Variants in CDH22 observed in about 807,000 individuals in gnomAD.
CDH22 encodes cadherin 22, also known as cadherin-22.
Under a neutral mutation model 58.4 loss-of-function variants are expected in CDH22, and 30 were observed. The ratio of observed to expected loss-of-function variants is 0.51; its 90% CI spans 0.38 to 0.70. The LOEUF is 0.70. Among genes scored for constraint, CDH22 ranks in the 30% least tolerant of loss-of-function variants. The probability of loss-of-function intolerance (pLI) is 0.00; values close to 1 mark genes in which losing one functional copy is unlikely to be tolerated. For missense variants in CDH22, 1,014 were observed against 1,233.9 expected, an observed-to-expected ratio of 0.82 and a Z score of 2.67; for synonymous variants, 513 against 558.2, an observed-to-expected ratio of 0.92 and a Z score of 1.14.
At chr20:46,223,584 C>T (rs1197172460) in intron 4 of CDH22, among the ~76,000 whole-genome samples, 1 of 152,102 alleles carries the variant, frequency 6.6e-6, no homozygotes, top group Non-Finnish European at 1.5e-5. Flanking sequence ...AAGGTCACTT[C>T]CCCAGAAAGG....
intron 8 of CDH22, among the ~76,000 whole-genome samples, chr20:46,198,329 CACAT>C (rs202118964): frequency 0.014 from 2,112 of 148,508 alleles, 43 homozygotes; most frequent in African/African-American, 0.05. Context: ...CACACACACA[CACAT>C]ATTCTTCCAG....
intron 4 of CDH22, among the ~76,000 whole-genome samples, chr20:46,223,715 T>TTC (rs1161674590): frequency 0.029 from 700 of 23,964 alleles, 4 homozygotes; most frequent in Middle Eastern, 0.042. Context: ...CTTTCTTTCT[T>TTC]TTTCTTTCTT....
chr20:46,202,583 G>A (rs2085969478), intron 7 of CDH22, among the ~76,000 whole-genome samples: 1 of 152,076 alleles, frequency 6.6e-6, no homozygotes, highest in African/African-American at 2.4e-5. Context: ...TCAATCTCCT[G>A]ACCTTGTGAT....
chr20:46,242,149 T>C (rs957124357), intron 2 of CDH22, among the ~76,000 whole-genome samples: 1 of 152,250 alleles, frequency 6.6e-6, no homozygotes, highest in African/African-American at 2.4e-5. Flanking sequence ...TGTACTTTTC[T>C]AGTTAAAGAT....
chr20:46,246,837 C>T (rs558190402), intron 2 of CDH22, among the ~76,000 whole-genome samples: 3 of 152,260 alleles, frequency 2.0e-5, no homozygotes, highest in South Asian at 4.1e-4. Context: ...TGGGGGGAAC[C>T]AGGAAGCAGT....
Position 46,249,163 on chromosome 20 carries a change from AC to A in CDH22, c.255+1876del, listed in dbSNP as rs2086352252. On this transcript the variant is annotated intron_variant, in intron 2 of 11. Transcript: ENST00000537909. Reference sequence around the variant, plus strand: ...GCAGTAAAGTAACTTGTTCAAGGTCACTCAGTGAAGGGATTGGCAGAACCAG... The same window carrying A: ...GCAGTAAAGTAACTTGTTCAAGGTCATCAGTGAAGGGATTGGCAGAACCAG... Among the ~76,000 whole-genome samples, 4 of 152,176 alleles carry A rather than the reference AC, an allele frequency of 2.6e-5. No individual in the cohort carries two copies. In the South Asian group the frequency reaches 8.3e-4, roughly 32 times the overall value.
chr20:46,195,607 C>T (rs536565133), intron 8 of CDH22, among the ~76,000 whole-genome samples: 19 of 149,434 alleles, frequency 1.3e-4, no homozygotes, highest in Middle Eastern at 6.8e-3. Flanking sequence ...TTCCAAGTCT[C>T]CCCTAGACCC....
chr20:46,186,486 A>T, intron 10 of CDH22, 102 bp downstream of exon 10: 7 of 823,300 alleles, frequency 8.5e-6, no homozygotes, highest in Non-Finnish European at 1.4e-5. Context: ...CTTAGATCCA[A>T]CATAGGCCCT....
At chr20:46,302,681 C>G (rs2086657463) in intron 1 of CDH22, among the ~76,000 whole-genome samples, 1 of 152,136 alleles carries the variant, frequency 6.6e-6, no homozygotes, top group Non-Finnish European at 1.5e-5. Flanking sequence ...CTATTTCCAG[C>G]CCAGAACTCT....
chr20:46,179,745 T>C (rs1196688936), intron 10 of CDH22, among the ~76,000 whole-genome samples: 7 of 152,210 alleles, frequency 4.6e-5, no homozygotes, highest in African/African-American at 1.7e-4. Context: ...GGTGTGAGGA[T>C]TAAATGGTGT....
chr20:46,289,915 T>C (rs1421368480), intron 1 of CDH22, among the ~76,000 whole-genome samples: 1 of 152,236 alleles, frequency 6.6e-6, no homozygotes, highest in African/African-American at 2.4e-5. Context: ...ACCTGTGGAT[T>C]TAGAATTCTG....
intron 10 of CDH22, among the ~76,000 whole-genome samples, chr20:46,186,115 G>A (rs1377507230): frequency 1.3e-5 from 2 of 151,182 alleles, no homozygotes; most frequent in South Asian, 2.1e-4. Flanking sequence ...TTGGGAGGCT[G>A]AGGTAGGAGG....
At chr20:46,248,610 G>C (rs1447202791) in intron 2 of CDH22, among the ~76,000 whole-genome samples, 1 of 152,130 alleles carries the variant, frequency 6.6e-6, no homozygotes, top group Non-Finnish European at 1.5e-5. Flanking sequence ...ATCACTTGAG[G>C]TCAGGAGTTC....
intron 4 of CDH22, among the ~76,000 whole-genome samples, chr20:46,223,715 TTTTCTTTCTTTC>T (rs1568664226): frequency 0.024 from 573 of 24,050 alleles, no homozygotes; most frequent in African/African-American, 0.066. Context: ...CTTTCTTTCT[TTTTCTTTCTTTC>T]TCTTTCTTTC....
At position 46,308,083 on chromosome 20, in the gene CDH22, G is replaced by A. The variant is rs1407191607; in HGVS notation, c.-400+172C>T. On this transcript the variant is annotated intron_variant, in intron 1 of 11. Transcript: ENST00000537909. The surrounding 1 kb of genome is among the most constrained non-coding windows in gnomAD (Gnocchi z 4.3). ...CCCTCCCCGCCCTCCCGGCCGAGAG[G>A]AGGGGGCGCGCAGGGCCGGGCGCAG... is the stretch of plus-strand genomic sequence containing the variant. 2.6e-5 allele frequency among the ~76,000 whole-genome samples: 4 copies of A among 151,454 alleles called. No homozygotes were observed. The highest frequency in any genetic ancestry group is 4.4e-5 in the Non-Finnish European group (3 of 67,782).
intron 1 of CDH22, among the ~76,000 whole-genome samples, chr20:46,294,776 G>A (rs1406040848): frequency 6.6e-6 from 1 of 152,184 alleles, no homozygotes; most frequent in African/African-American, 2.4e-5. Flanking sequence ...GAAGGGAAGA[G>A]GACAACTGAA....
At position 46,300,632 on chromosome 20, in the gene CDH22, G is replaced by A. The variant is rs559303072; in HGVS notation, c.-400+7623C>T. Among the ~76,000 whole-genome samples, 1 of 152,342 alleles carries A rather than the reference G, an allele frequency of 6.6e-6. No individual in the cohort carries two copies. Among genetic ancestry groups the A allele is most frequent in the African/African-American group, 2.4e-5 (1 of 41,568 alleles). ...TTTGACTCGCAGAGGGGTCTGTGGT[G>A]TTAACATCTGGACCAACTTTCCAGA... On this transcript the variant is annotated intron_variant, in intron 1 of 11. Transcript: ENST00000537909. The surrounding 1 kb of genome is among the most constrained non-coding windows in gnomAD (Gnocchi z 4.4).
chr20:46,179,375 G>A (rs1234957028), intron 10 of CDH22, among the ~76,000 whole-genome samples: 2 of 152,178 alleles, frequency 1.3e-5, no homozygotes, highest in East Asian at 3.9e-4. Context: ...CGTGGCCCCA[G>A]TTAACCCAGC....
At chr20:46,307,624 T>A (rs917579061) in intron 1 of CDH22, among the ~76,000 whole-genome samples, 3 of 151,222 alleles carry the variant, frequency 2.0e-5, no homozygotes, top group African/African-American at 7.3e-5. Context: ...CCGGCAGGGG[T>A]CCCTGTGGGC....
Sources: allele counts gnomAD v4.1 joint callset (sites outside exome capture counted in the v4.1 genomes callset), GRCh38; gene constraint gnomAD v4.1.1; non-coding constraint Gnocchi (gnomAD v3.1); transcripts MANE v1.5; gene names NCBI Gene and HGNC (gene_info 2026-07-23, HGNC 2026-07-21).